The following FHOD3 variants were observed in gnomAD, a reference collection of about 807,000 sequenced individuals.
FHOD3 encodes FH1/FH2 domain-containing protein 3.
A neutral mutation model predicts 173.0 loss-of-function variants in FHOD3; 90 were observed. The ratio of observed to expected loss-of-function variants is 0.52; its 90% CI spans 0.44 to 0.62. The LOEUF (loss-of-function observed/expected upper bound fraction) is 0.62, where lower values mean the gene tolerates loss of function less well. FHOD3 is among the 20% of genes least tolerant of loss of function. FHOD3 has a pLI of 0.00. For synonymous variants in FHOD3, 828 were observed against 823.0 expected (o/e 1.01, Z -0.10); for missense variants, 1,945 against 2,034.7 (o/e 0.96, Z 0.85).
chr18:36,591,513 A>C (rs1481698835), intron 6 of FHOD3, among the ~76,000 whole-genome samples: 1 of 152,188 alleles, frequency 6.6e-6, no homozygotes, highest in Non-Finnish European at 1.5e-5. Context: ...TGAACAGCTC[A>C]TGGGTCAGAT....
At chr18:36,353,270 C>A (rs989944141) in intron 1 of FHOD3, among the ~76,000 whole-genome samples, 1 of 152,124 alleles carries the variant, frequency 6.6e-6, no homozygotes, top group African/African-American at 2.4e-5. Flanking sequence ...TAGGATTAAC[C>A]CCTTCAAATG....
rs367951560 is a variant in FHOD3, at chr18:36,581,314, C to G, written c.606+4769C>G. 3.9e-5 allele frequency among the ~76,000 whole-genome samples: 6 copies of G among 152,336 alleles called. No individual in the cohort carries two copies. In the East Asian group the frequency reaches 5.8e-4, roughly 15 times the overall value. Reference sequence around the variant, plus strand: ...GAGTAAGATGATTCAGTCTATACAGCATGGCCCTTTGTCACCCAGCACAGA... The same window carrying G: ...GAGTAAGATGATTCAGTCTATACAGGATGGCCCTTTGTCACCCAGCACAGA... On this transcript the variant is annotated intron_variant, in intron 6 of 28. Transcript: ENST00000590592.
At chr18:36,594,954 G>C in intron 7 of FHOD3, 56 bp downstream of exon 7, 1 of 1,157,004 alleles carries the variant, frequency 8.6e-7, no homozygotes, top group Non-Finnish European at 1.3e-6. Context: ...ATGTAGGGAG[G>C]CTTCTGTGTT....
chr18:36,715,618 C>A (rs8097423), intron 18 of FHOD3, among the ~76,000 whole-genome samples: 1 of 152,114 alleles, frequency 6.6e-6, no homozygotes, highest in South Asian at 2.1e-4. Context: ...CCTGTTCTCA[C>A]AGAGTTTACA....
intron 10 of FHOD3, among the ~76,000 whole-genome samples, chr18:36,645,053 AG>A (rs2035585104): frequency 1.3e-5 from 2 of 152,246 alleles, no homozygotes; most frequent in Admixed American, 6.5e-5. Flanking sequence ...TGGAGCTTGT[AG>A]GTATAGTTTG....
intron 16 of FHOD3, among the ~76,000 whole-genome samples, chr18:36,692,791 T>A (rs965280326): frequency 2.6e-5 from 4 of 152,024 alleles, no homozygotes; most frequent in African/African-American, 4.8e-5. Context: ...ATGGGGGGCA[T>A]TTTTTTTCTC....
rs112594013 is a variant in FHOD3 at position 36,471,665 on chromosome 18, G to A, written c.338-30267G>A. Among the ~76,000 whole-genome samples the A allele has an allele frequency of 6.4e-4, 98 of 152,176 alleles. 1 individual carries two copies. The highest frequency in any genetic ancestry group is 2.3e-3 in the African/African-American group (94 of 41,510). Reference sequence around the variant, plus strand: ...TGGTGTAGGAAATTAGAATCACCAGGGCAAAGACAGTAAAAGAGAACTTCC... The same window carrying A: ...TGGTGTAGGAAATTAGAATCACCAGAGCAAAGACAGTAAAAGAGAACTTCC... On this transcript the variant is annotated intron_variant, in intron 3 of 28. Coordinates refer to ENST00000590592, the MANE Select transcript of FHOD3 (RefSeq NM_001281740.3).
At chr18:36,415,525 T>C (rs539898178) in intron 3 of FHOD3, among the ~76,000 whole-genome samples, 2 of 152,354 alleles carry the variant, frequency 1.3e-5, no homozygotes, top group East Asian at 3.9e-4. Flanking sequence ...TTAAATTACA[T>C]GATTTGGTCT....
intron 18 of FHOD3, among the ~76,000 whole-genome samples, chr18:36,713,186 A>G (rs990173384): frequency 2.0e-5 from 3 of 152,254 alleles, no homozygotes; most frequent in African/African-American, 7.2e-5. Flanking sequence ...AAAGGACAAC[A>G]GAATGGGTGA....
At chr18:36,525,352 A>G (rs1251420276) in intron 5 of FHOD3, among the ~76,000 whole-genome samples, 2 of 152,142 alleles carry the variant, frequency 1.3e-5, no homozygotes, top group African/African-American at 2.4e-5. Flanking sequence ...AAGGAAATGA[A>G]TTCTGCCAAC....
chr18:36,545,402 C>T (rs372638184), intron 5 of FHOD3, among the ~76,000 whole-genome samples: 43 of 152,252 alleles, frequency 2.8e-4, no homozygotes, highest in African/African-American at 9.4e-4. Flanking sequence ...ACAGGGTGGA[C>T]GAGGAAGACC....
At chr18:36,463,044 A>T (rs943764629) in intron 3 of FHOD3, among the ~76,000 whole-genome samples, 1 of 152,158 alleles carries the variant, frequency 6.6e-6, no homozygotes, top group South Asian at 2.1e-4. Context: ...AATAAATAGT[A>T]ATGTCTCCAG....
intron 3 of FHOD3, among the ~76,000 whole-genome samples, chr18:36,397,152 C>T (rs1003519975): frequency 6.6e-6 from 1 of 152,200 alleles, no homozygotes; most frequent in Admixed American, 6.5e-5. Flanking sequence ...ATTGACTTAC[C>T]TAGCATTAGA....
rs1307627112 is a variant in FHOD3, at chr18:36,625,679, G to T, written c.1126G>T (p.Ala376Ser). The T allele has an allele frequency of 3.7e-6, 6 of 1,611,780 alleles. No homozygotes were observed. Among genetic ancestry groups the T allele is most frequent in the Non-Finnish European group, 5.1e-6 (6 of 1,178,744 alleles). Residue 376 changes from alanine to serine, a missense_variant, in exon 10 of 29, where the codon GCC becomes TCC. Physicochemically the swap from Ala to Ser is moderately conservative, Grantham distance 99 (BLOSUM62 1). Coordinates refer to ENST00000590592, the MANE Select transcript of FHOD3 (RefSeq NM_001281740.3). ...SVQSIKSTLSAPTSPCSQSAP... is the reference protein window; with the variant it reads ...SVQSIKSTLSSPTSPCSQSAP... ...GCAGAGCATCAAGAGCACCCTGTCG[G>T]CCCCCACCAGTCCCTGCTCCCAGTC... is the stretch of plus-strand genomic sequence containing the variant.
rs183347146 is a variant in FHOD3 at position 36,316,309 on chromosome 18, A to G, written c.165+18309A>G. Among the ~76,000 whole-genome samples the G allele has an allele frequency of 2.6e-3, 394 of 151,836 alleles. 2 individuals carry two copies. The highest frequency in any genetic ancestry group is 4.3e-3 in the Non-Finnish European group (292 of 68,014). On this transcript the variant is annotated intron_variant, in intron 1 of 28. Transcript: ENST00000590592. ...GACAAGGAGAAGTTTAGCCCCATGCATGCCCAGGATGGTACTTTGCTTCTG... is the reference window on the plus strand; with the variant it reads ...GACAAGGAGAAGTTTAGCCCCATGCGTGCCCAGGATGGTACTTTGCTTCTG...
chr18:36,720,589 C>T (rs1277932286), intron 19 of FHOD3, among the ~76,000 whole-genome samples: 3 of 152,062 alleles, frequency 2.0e-5, no homozygotes, highest in Admixed American at 1.3e-4. Flanking sequence ...AGACCAGCCA[C>T]GATTAAGACA....
intron 2 of FHOD3, among the ~76,000 whole-genome samples, chr18:36,369,211 G>T (rs1017173067): frequency 6.6e-6 from 1 of 152,136 alleles, no homozygotes. Flanking sequence ...GGGATAAAAT[G>T]ATTGTCTTTA....
intron 5 of FHOD3, among the ~76,000 whole-genome samples, chr18:36,543,908 A>G (rs1311349711): frequency 3.3e-5 from 5 of 152,242 alleles, no homozygotes; most frequent in African/African-American, 9.6e-5. Flanking sequence ...GGTAGAAGCT[A>G]GGAACTTCGT....
intron 10 of FHOD3, among the ~76,000 whole-genome samples, chr18:36,645,289 A>G (rs868709120): frequency 6.6e-6 from 1 of 152,130 alleles, no homozygotes; most frequent in South Asian, 2.1e-4. Flanking sequence ...CCATGGTGGC[A>G]TATGCCTGTA....
Sources: allele counts gnomAD v4.1 joint callset (sites outside exome capture counted in the v4.1 genomes callset), GRCh38; gene constraint gnomAD v4.1.1; transcripts MANE v1.5; gene names NCBI Gene and HGNC (gene_info 2026-07-23, HGNC 2026-07-21).